The following PLXDC2 variants were observed in gnomAD, a reference collection of about 807,000 sequenced individuals.
The protein encoded by PLXDC2 is plexin domain-containing protein 2.
A neutral mutation model predicts 68.9 loss-of-function variants in PLXDC2; 40 were observed. The observed-to-expected ratio is 0.58, with a 90% CI of 0.45 to 0.76. PLXDC2 has a LOEUF of 0.76. PLXDC2 is among the 30% of genes least tolerant of loss of function. PLXDC2 has a pLI of 0.00. For synonymous variants in PLXDC2, 243 were observed against 234.2 expected (o/e 1.04, Z -0.34); for missense variants, 644 against 661.9 (o/e 0.97, Z 0.30).
At chr10:20,164,336 A>G in intron 6 of PLXDC2, 132 bp from the exon 7 acceptor site, 1 of 721,990 alleles carries the variant, frequency 1.4e-6, no homozygotes, top group Non-Finnish European at 2.3e-6. Context: ...CTTTTCTAAT[A>G]CCTTTGACTC....
chr10:19,822,142 C>G (rs1836478760), intron 1 of PLXDC2, among the ~76,000 whole-genome samples: 1 of 150,366 alleles, frequency 6.7e-6, no homozygotes, highest in African/African-American at 2.4e-5. Context: ...CATATATATG[C>G]ACTATATATG....
intron 1 of PLXDC2, among the ~76,000 whole-genome samples, chr10:19,987,109 G>GT (rs34443937): frequency 4.6e-5 from 7 of 152,102 alleles, no homozygotes; most frequent in African/African-American, 1.7e-4. Flanking sequence ...CATTACCCAC[G>GT]TTTCAGCGTT....
chr10:20,257,512 G>A (rs189303338), intron 13 of PLXDC2, among the ~76,000 whole-genome samples: 78 of 152,292 alleles, frequency 5.1e-4, no homozygotes, highest in African/African-American at 1.7e-3. Flanking sequence ...AGAATAGAAT[G>A]AGTTAATAAT....
chr10:20,202,365 T>G (rs917598658), intron 9 of PLXDC2, among the ~76,000 whole-genome samples: 2 of 152,206 alleles, frequency 1.3e-5, no homozygotes, highest in African/African-American at 4.8e-5. Context: ...TCTCATACTT[T>G]ATGTTGCCAA....
At chr10:20,240,327 A>G (rs1462026263) in intron 12 of PLXDC2, among the ~76,000 whole-genome samples, 2 of 152,152 alleles carry the variant, frequency 1.3e-5, no homozygotes, top group Admixed American at 6.6e-5. Context: ...TCTTGATCCA[A>G]TCTACCGTTG....
intron 12 of PLXDC2, among the ~76,000 whole-genome samples, chr10:20,243,686 A>G (rs1254186876): frequency 7.0e-6 from 1 of 142,566 alleles, no homozygotes; most frequent in Non-Finnish European, 1.6e-5. Flanking sequence ...ATCAGTGCTT[A>G]TTAAATGAAG....
chr10:20,062,299 G>C (rs10764192), intron 3 of PLXDC2, among the ~76,000 whole-genome samples: 22,273 of 152,028 alleles, frequency 0.15, 1,907 homozygotes, highest in South Asian at 0.3. Flanking sequence ...TGGCGCATGC[G>C]TGTAGTCCCA....
chr10:19,889,042 T>A (rs1837900155), intron 1 of PLXDC2, among the ~76,000 whole-genome samples: 1 of 151,842 alleles, frequency 6.6e-6, no homozygotes, highest in African/African-American at 2.4e-5. Flanking sequence ...AGAAAAAAAA[T>A]ACCATTATCT....
At chr10:20,064,328 C>T (rs12358622) in intron 3 of PLXDC2, among the ~76,000 whole-genome samples, 1 of 151,180 alleles carries the variant, frequency 6.6e-6, no homozygotes, top group Non-Finnish European at 1.5e-5. Flanking sequence ...TCATGCCATT[C>T]TCCTGCCTCA....
intron 12 of PLXDC2, among the ~76,000 whole-genome samples, chr10:20,221,282 C>T (rs555109024): frequency 3.4e-5 from 5 of 147,154 alleles, no homozygotes; most frequent in Admixed American, 1.3e-4. Context: ...CATAAAACTT[C>T]GAAGATTTTC....
At chr10:20,191,732 AC>A (rs1834768489) in intron 9 of PLXDC2, among the ~76,000 whole-genome samples, 1 of 152,042 alleles carries the variant, frequency 6.6e-6, no homozygotes, top group African/African-American at 2.4e-5. Flanking sequence ...GGTGCAGCAC[AC>A]CAACATGGCA....
chr10:20,243,951 T>G (rs1196264204), intron 12 of PLXDC2, among the ~76,000 whole-genome samples: 1 of 151,770 alleles, frequency 6.6e-6, no homozygotes, highest in Non-Finnish European at 1.5e-5. Context: ...CCCAGCTACT[T>G]GGGAGGCTGA....
At position 20,068,912 on chromosome 10, in the gene PLXDC2, G is replaced by A. The variant is rs932563020; in HGVS notation, c.541+673G>A. Among the ~76,000 whole-genome samples, 11 of 152,132 alleles carry A rather than the reference G, an allele frequency of 7.2e-5. No homozygotes were observed. In the East Asian group the frequency reaches 9.7e-4, roughly 13 times the overall value. On this transcript the variant is annotated intron_variant, in intron 4 of 13. Transcript: ENST00000377252. The stretch of plus-strand genomic sequence containing the variant: ...GTCAGAAATATTTTAGTCTTCAAGC[G>A]CTACTAGAAGCGATAAGGAAAATGC...
At chr10:20,244,478 C>T (rs2778981) in intron 12 of PLXDC2, among the ~76,000 whole-genome samples, 129,267 of 152,148 alleles carry the variant, frequency 0.85, 55,391 homozygotes, top group Middle Eastern at 0.94. Context: ...TGGCGCTCCT[C>T]TTAGTGATCA....
intron 1 of PLXDC2, among the ~76,000 whole-genome samples, chr10:19,988,352 T>G (rs1465895021): frequency 6.6e-6 from 1 of 152,054 alleles, no homozygotes. Flanking sequence ...TAGTTCATAC[T>G]TTTTTTTCCT....
At chr10:19,951,215 A>G (rs1340504349) in intron 1 of PLXDC2, among the ~76,000 whole-genome samples, 2 of 152,286 alleles carry the variant, frequency 1.3e-5, no homozygotes, top group East Asian at 1.9e-4. Flanking sequence ...AACCTACAAA[A>G]TTGGAGAAAA....
intron 1 of PLXDC2, among the ~76,000 whole-genome samples, chr10:19,825,628 A>G (rs1836556722): frequency 6.6e-6 from 1 of 152,234 alleles, no homozygotes; most frequent in East Asian, 1.9e-4. Context: ...ATGAACATCC[A>G]ATAAAATATT....
At chr10:20,145,642 C>T (rs1420094917) in intron 5 of PLXDC2, among the ~76,000 whole-genome samples, 1 of 152,084 alleles carries the variant, frequency 6.6e-6, no homozygotes, top group African/African-American at 2.4e-5. Flanking sequence ...CTCCGCTTCC[C>T]GGGTTCATGC....
chr10:19,819,586 TTTA>T, intron 1 of PLXDC2, among the ~76,000 whole-genome samples: 1 of 152,354 alleles, frequency 6.6e-6, no homozygotes, highest in East Asian at 1.9e-4. Context: ...ACAGGGACAT[TTTA>T]TTATGCGTTA....
Sources: gnomAD v4.1 joint callset for allele counts (sites outside exome capture counted in the v4.1 genomes callset) on GRCh38, gnomAD v4.1.1 for gene constraint, MANE v1.5 for transcripts, NCBI Gene and HGNC (gene_info 2026-07-23, HGNC 2026-07-21) for gene names.